The following ABTB2 variants were observed in gnomAD, a reference collection of about 807,000 sequenced individuals.
The protein encoded by ABTB2 is ankyrin repeat and BTB/POZ domain-containing protein 2.
In ABTB2, 56 loss-of-function variants were observed where a neutral mutation model predicts 104.1. The ratio of observed to expected loss-of-function variants is 0.54; its 90% CI spans 0.43 to 0.67. The LOEUF is 0.67. Ranked by LOEUF, ABTB2 falls within the 30% of genes least tolerant of loss-of-function variation. The pLI is 0.00. For synonymous variants in ABTB2, 606 were observed against 608.2 expected (o/e 1.00, Z 0.05); for missense variants, 1,279 against 1,407.7 (o/e 0.91, Z 1.46).
chr11:34,274,984 G>A (rs1854367164), intron 1 of ABTB2, among the ~76,000 whole-genome samples: 1 of 152,150 alleles, frequency 6.6e-6, no homozygotes, highest in Admixed American at 6.5e-5. Flanking sequence ...CCTGGGGCCT[G>A]AATCCTGGCC....
chr11:34,158,178 G>A (rs1852655381), intron 14 of ABTB2, among the ~76,000 whole-genome samples: 1 of 152,214 alleles, frequency 6.6e-6, no homozygotes, highest in Non-Finnish European at 1.5e-5. Flanking sequence ...ACTTTGGGAG[G>A]CCAAGGCGGG....
rs548546549 is a variant in ABTB2 at position 34,173,970 on chromosome 11, C to A, written c.1245-663G>T. Among the ~76,000 whole-genome samples, 3 of 152,286 alleles carry A rather than the reference C, an allele frequency of 2.0e-5. No homozygotes were observed. The South Asian group carries it at 6.2e-4, about 32-fold the overall frequency. On this transcript the variant is annotated intron_variant, in intron 3 of 16. Coordinates refer to ENST00000435224, the MANE Select transcript of ABTB2 (RefSeq NM_145804.3). ...ATGACCACTCCTTCCTCATCTGGCACCTAGACTGAGGTGGGCTGACACCAC... is the reference window on the plus strand; with the variant it reads ...ATGACCACTCCTTCCTCATCTGGCAACTAGACTGAGGTGGGCTGACACCAC...
In ABTB2 at chr11:34,159,362, T is replaced by C. The variant is rs1268759268; in HGVS notation, c.2631A>G (p.Lys877=). ...SNRFKTLMTN[K]SEQDGDSSKT... is the part of the protein sequence containing the mutation. ...TGCTGCTGTCCCCATCCTGTTCTGA[T>C]TTATTGGTCATTAGTGTCTTGAACC... The change falls in exon 14 of 17, where the codon AAA becomes AAG. Residue 877 remains lysine (K), a synonymous_variant. Coordinates refer to ENST00000435224, the MANE Select transcript of ABTB2 (RefSeq NM_145804.3). 3.7e-6 allele frequency: 6 copies of C among 1,613,780 alleles called. No individual in the cohort carries two copies. The highest frequency in any genetic ancestry group is 5.1e-6 in the Non-Finnish European group (6 of 1,179,862).
At chr11:34,281,773 C>T (rs1854451231) in intron 1 of ABTB2, among the ~76,000 whole-genome samples, 1 of 152,208 alleles carries the variant, frequency 6.6e-6, no homozygotes, top group African/African-American at 2.4e-5. Context: ...CCTTCTAGCT[C>T]TTGGAACACT....
intron 1 of ABTB2, chr11:34,335,915 G>T: frequency 2.8e-6 from 2 of 719,924 alleles, no homozygotes; most frequent in Non-Finnish European, 4.8e-6. Context: ...GGTTGAAAAG[G>T]CTTTGGGATT....
At chr11:34,221,109 A>G (rs1853615925) in intron 1 of ABTB2, among the ~76,000 whole-genome samples, 1 of 152,110 alleles carries the variant, frequency 6.6e-6, no homozygotes, top group South Asian at 2.1e-4. Flanking sequence ...AGCTGGGACT[A>G]CAAGCCATGC....
rs141635150 is a variant in ABTB2, at chr11:34,356,759, G to C, written c.825C>G (p.Ala275=). 1.2e-6 allele frequency: 2 copies of C among 1,611,488 alleles called. No homozygotes were observed. Among genetic ancestry groups the C allele is most frequent in the African/African-American group, 2.7e-5 (2 of 74,900 alleles). Residue 275 remains alanine (A), a synonymous_variant, in exon 1 of 17, where the codon GCC becomes GCG. Transcript: ENST00000435224. This position sits in a 1 kb window ranked among gnomAD's most constrained non-coding sequence, Gnocchi z 4.6. ...AGGGCTGCAAGACGCCCCAGAGCTC[G>C]GCGTCGTTGTTGATGACCATCTCCA... is the stretch of plus-strand genomic sequence containing the variant. ...EALEMVINND[A]ELWGVLQPYE... is the part of the protein sequence containing the mutation.
chr11:34,289,979 A>T (rs564913732), intron 1 of ABTB2, among the ~76,000 whole-genome samples: 1 of 152,330 alleles, frequency 6.6e-6, no homozygotes, highest in South Asian at 2.1e-4. Context: ...CACTCTCCCC[A>T]GTTGTCTTCT....
intron 14 of ABTB2, among the ~76,000 whole-genome samples, chr11:34,158,925 G>A (rs917920038): frequency 6.6e-6 from 1 of 152,206 alleles, no homozygotes; most frequent in Admixed American, 6.5e-5. Flanking sequence ...GGGCTGGGGT[G>A]GGGCCTGGGG....
At chr11:34,192,170 G>A (rs1430521994) in intron 3 of ABTB2, among the ~76,000 whole-genome samples, 1 of 152,112 alleles carries the variant, frequency 6.6e-6, no homozygotes, top group African/African-American at 2.4e-5. Context: ...GGGCACATCT[G>A]TGGTCCCAGC....
At chr11:34,315,938 T>C (rs545838062) in intron 1 of ABTB2, among the ~76,000 whole-genome samples, 208 of 152,330 alleles carry the variant, frequency 1.4e-3, no homozygotes, top group Non-Finnish European at 2.3e-3. Context: ...GGCGAGCTTA[T>C]GCGGCAATTT....
rs1301282898 is a variant in ABTB2 at position 34,303,490 on chromosome 11, A to G, written c.883+53211T>C. Among the ~76,000 whole-genome samples, 3 of 152,068 alleles carry G rather than the reference A, an allele frequency of 2.0e-5. No individual in the cohort carries two copies. In the East Asian group the frequency reaches 5.8e-4, roughly 29 times the overall value. ...TCCACCCACAGGAGGAAGAAATCCA[A>G]TTTTTCTTTCTTTAACTGCCAATTC... On this transcript the variant is annotated intron_variant, in intron 1 of 16. Transcript: ENST00000435224.
At chr11:34,215,405 G>A (rs1173154127) in intron 1 of ABTB2, among the ~76,000 whole-genome samples, 2 of 152,168 alleles carry the variant, frequency 1.3e-5, no homozygotes, top group African/African-American at 2.4e-5. Context: ...CAAGGCCCAG[G>A]GCAGATGGCC....
At chr11:34,235,490 G>C (rs1258405696) in intron 1 of ABTB2, among the ~76,000 whole-genome samples, 1 of 152,204 alleles carries the variant, frequency 6.6e-6, no homozygotes, top group Admixed American at 6.5e-5. Context: ...GTTATCCTCA[G>C]AGATGACAAG....
chr11:34,329,333 C>T (rs1425695234), intron 1 of ABTB2, among the ~76,000 whole-genome samples: 1 of 152,166 alleles, frequency 6.6e-6, no homozygotes, highest in Non-Finnish European at 1.5e-5. Flanking sequence ...GGTTTTTCCA[C>T]TCCACTTCCT....
intron 14 of ABTB2, among the ~76,000 whole-genome samples, chr11:34,157,069 G>A (rs1852638911): frequency 6.6e-6 from 1 of 152,096 alleles, no homozygotes; most frequent in Non-Finnish European, 1.5e-5. Context: ...CTGCATGAGA[G>A]TCAATGCGGT....
chr11:34,269,272 G>C lies in ABTB2; in HGVS notation c.884-64582C>G, dbSNP rs117105625. Among the ~76,000 whole-genome samples, 846 of 152,322 alleles carry C rather than the reference G, an allele frequency of 5.6e-3. 5 individuals are homozygous for C. The highest frequency in any genetic ancestry group is 0.01 in the African/African-American group (435 of 41,568). On this transcript the variant is annotated intron_variant, in intron 1 of 16. Coordinates refer to ENST00000435224, the MANE Select transcript of ABTB2 (RefSeq NM_145804.3). Reference sequence around the variant, plus strand: ...TGGAGCTCAGAGGATGGAAGCACTCGATAGGAATTAAACTGGGAGAAATTC... The same window carrying C: ...TGGAGCTCAGAGGATGGAAGCACTCCATAGGAATTAAACTGGGAGAAATTC...
intron 1 of ABTB2, among the ~76,000 whole-genome samples, chr11:34,214,219 A>G (rs975703646): frequency 6.6e-6 from 1 of 151,676 alleles, no homozygotes; most frequent in Non-Finnish European, 1.5e-5. Flanking sequence ...GCAGTCGTAG[A>G]CTCAGTACCT....
intron 3 of ABTB2, among the ~76,000 whole-genome samples, chr11:34,186,507 T>A (rs1336825990): frequency 6.6e-6 from 1 of 152,174 alleles, no homozygotes; most frequent in African/African-American, 2.4e-5. Flanking sequence ...ATTCCCTGCA[T>A]TGAGAATCCT....
Sources: gnomAD v4.1 joint callset for allele counts (sites outside exome capture counted in the v4.1 genomes callset) on GRCh38, gnomAD v4.1.1 for gene constraint, Gnocchi (gnomAD v3.1) non-coding constraint, MANE v1.5 for transcripts, NCBI Gene and HGNC (gene_info 2026-07-23, HGNC 2026-07-21) for gene names.